The following ADH4 variants were observed in gnomAD, a reference collection of about 807,000 sequenced individuals.
ADH4 encodes all-trans-retinol dehydrogenase [NAD(+)] ADH4.
A neutral mutation model predicts 35.2 loss-of-function variants in ADH4; 31 were observed. The ratio of observed to expected loss-of-function variants is 0.88; its 90% CI spans 0.66 to 1.19. The LOEUF (loss-of-function observed/expected upper bound fraction) is 1.19. Ranked by LOEUF, ADH4 falls within the 50% of genes most tolerant of loss-of-function variation. ADH4 has a pLI of 0.00. For synonymous variants in ADH4, 171 were observed against 160.2 expected (o/e 1.07, Z -0.51); for missense variants, 476 against 458.3 (o/e 1.04, Z -0.35).
At position 99,142,666 on chromosome 4, in the gene ADH4, A is replaced by G; in HGVS notation, c.120+13T>C. ...GCCCTGTCTGTTCCCACCCAAGGAA[A>G]GTCTCCACTTACCTGAATGCGAACT... On this transcript the variant is annotated intron_variant, in intron 2 of 8. Transcript: ENST00000265512. The G allele has an allele frequency of 4.6e-6, 7 of 1,527,516 alleles. No homozygotes were observed. Among genetic ancestry groups the G allele is most frequent in the Non-Finnish European group, 6.1e-6 (7 of 1,139,494 alleles). The allele number at this position is 1,527,516 out of a possible 1,614,324, so 94.6% of individuals were successfully genotyped here.
intron 1 of ADH4, 132 bp downstream of exon 1, chr4:99,144,073 A>G (rs1378337073): frequency 1.1e-6 from 1 of 949,352 alleles, no homozygotes; most frequent in Non-Finnish European, 1.6e-6. Context: ...TTCCTGGCAT[A>G]GGGGTCACTC....
chr4:99,124,536 T>C (rs1303980331), intron 8 of ADH4, 70 bp from the exon 9 acceptor site: 2 of 1,044,984 alleles, frequency 1.9e-6, no homozygotes, highest in East Asian at 2.8e-5. Context: ...CACAAATAAG[T>C]TTTGCCTTTT....
rs999394324 is a variant in ADH4 at position 99,144,186 on chromosome 4, A to G, written c.18+19T>C. 4.3e-6 allele frequency: 7 copies of G among 1,613,382 alleles called. No individual in the cohort carries two copies. Among genetic ancestry groups the G allele is most frequent in the African/African-American group, 2.7e-5 (2 of 74,922 alleles). On this transcript the variant is annotated intron_variant, in intron 1 of 8. Coordinates refer to ENST00000265512, the MANE Select transcript of ADH4 (RefSeq NM_000670.5). ...ACAGAAAAGCACAAACTGAACAAAG[A>G]TACAGCTTACTTGCTTACTTTGCCC...
chr4:99,131,766 T>A lies in ADH4; in HGVS notation c.583-2A>T. On this transcript the variant is annotated splice_acceptor_variant, in intron 5 of 8. Coordinates refer to ENST00000265512, the MANE Select transcript of ADH4 (RefSeq NM_000670.5). LOFTEE classifies it high-confidence loss of function. The stretch of plus-strand genomic sequence containing the variant: ...AGCACAAGTCGAACCAGGGGTGACC[T>A]GCAAGCAGGAAAATTATAAAGTAAC... 6.2e-7 allele frequency: 1 copy of A among 1,607,718 alleles called. No individual in the cohort carries two copies. The highest frequency in any genetic ancestry group is 1.1e-5 in the South Asian group (1 of 89,924).
intron 3 of ADH4, among the ~76,000 whole-genome samples, chr4:99,140,232 A>T (rs534514888): frequency 6.6e-6 from 1 of 152,220 alleles, no homozygotes; most frequent in Non-Finnish European, 1.5e-5. Context: ...TAATATTAAA[A>T]TAGTTTGCTT....
chr4:99,140,967 G>A (rs545826122), intron 3 of ADH4, among the ~76,000 whole-genome samples: 1 of 152,150 alleles, frequency 6.6e-6, no homozygotes, highest in East Asian at 1.9e-4. Context: ...GAAGTTTGGT[G>A]TACAGATAAT....
intron 4 of ADH4, among the ~76,000 whole-genome samples, chr4:99,137,739 G>A (rs1465162548): frequency 6.6e-6 from 1 of 152,116 alleles, no homozygotes; most frequent in African/African-American, 2.4e-5. Flanking sequence ...TCAATTCATG[G>A]CCAGTCAGGT....
In ADH4 at chr4:99,126,714, G is replaced by A; in HGVS notation, c.998C>T (p.Ser333Phe). 1 of 1,603,898 alleles carries A rather than the reference G, an allele frequency of 6.2e-7. No homozygotes were observed. Among genetic ancestry groups the A allele is most frequent in the African/African-American group, 1.3e-5 (1 of 74,840 alleles). Reference sequence around the variant, plus strand: ...ATAGTCAGTGACCAGCTTTGGGATAGAATCTACACTTTTCCAACCTGTAAT... The same window carrying A: ...ATAGTCAGTGACCAGCTTTGGGATAAAATCTACACTTTTCCAACCTGTAAT... The part of the protein sequence containing the change: ...TFFGGWKSVD[S>F]IPKLVTDYKN... The change falls in exon 8 of 9, where the codon TCT becomes TTT. Residue 333 changes from serine to phenylalanine, a missense_variant. Physicochemically the swap from Ser to Phe is radical, Grantham distance 155. Coordinates refer to ENST00000265512, the MANE Select transcript of ADH4 (RefSeq NM_000670.5).
intron 6 of ADH4, among the ~76,000 whole-genome samples, chr4:99,127,721 C>T (rs1005706620): frequency 2.6e-5 from 4 of 151,494 alleles, no homozygotes; most frequent in Non-Finnish European, 4.4e-5. Context: ...CCCAGCTACT[C>T]GGGAAGCTGA....
At position 99,127,216 on chromosome 4, in the gene ADH4, G is replaced by C; in HGVS notation, c.972C>G (p.Phe324Leu). 7 of 1,597,486 alleles carry C rather than the reference G, an allele frequency of 4.4e-6. No individual in the cohort carries two copies. Among genetic ancestry groups the C allele is most frequent in the Non-Finnish European group, 5.1e-6 (6 of 1,173,942 alleles). Residue 324 changes from phenylalanine to leucine, a missense_variant, in exon 7 of 9, where the codon TTC becomes TTG. Coordinates refer to ENST00000265512, the MANE Select transcript of ADH4 (RefSeq NM_000670.5). The stretch of plus-strand genomic sequence containing the variant: ...AAGAAAAAAAAAACTGACCACCAAA[G>C]AATGTTCCATTTATAGTACGGCCGA... ...LIIGRTINGT[F>L]FGGWKSVDSI... is the part of the protein sequence containing the mutation.
chr4:99,144,156 A>C (rs754186731), intron 1 of ADH4, 49 bp downstream of exon 1: 2 of 1,606,602 alleles, frequency 1.2e-6, no homozygotes, highest in South Asian at 2.2e-5. Context: ...CAAACATACA[A>C]GGACACAGAA....
Position 99,139,164 on chromosome 4 carries a change from AT to A in ADH4, c.263-17del, listed in dbSNP as rs758931577. ...ACTTTGTCACCTAGAAAGAAAGGCC[AT>A]ATGTTGGATGGTGCCTAAGGTGTTA... On this transcript the variant is annotated splice_polypyrimidine_tract_variant and intron_variant, in intron 3 of 8. Coordinates refer to ENST00000265512, the MANE Select transcript of ADH4 (RefSeq NM_000670.5). The A allele has an allele frequency of 9.5e-6, 15 of 1,575,942 alleles. No individual in the cohort carries two copies. Among genetic ancestry groups the A allele is most frequent in the African/African-American group, 1.3e-5 (1 of 74,236 alleles).
rs762537324 is a variant in ADH4, at chr4:99,131,775, G to A, written c.583-11C>T. On this transcript the variant is annotated splice_polypyrimidine_tract_variant and intron_variant, in intron 5 of 8. Coordinates refer to ENST00000265512, the MANE Select transcript of ADH4 (RefSeq NM_000670.5). ...CGAACCAGGGGTGACCTGCAAGCAG[G>A]AAAATTATAAAGTAACTTCTAAAGC... is the stretch of plus-strand genomic sequence containing the variant. 3.3e-5 allele frequency: 53 copies of A among 1,606,664 alleles called. No individual in the cohort carries two copies. The East Asian group carries it at 8.2e-4, about 25-fold the overall frequency.
intron 5 of ADH4, among the ~76,000 whole-genome samples, chr4:99,132,261 C>G (rs1439611996): frequency 6.6e-6 from 1 of 152,194 alleles, no homozygotes; most frequent in Non-Finnish European, 1.5e-5. Context: ...TACCTTCCAG[C>G]TTCATCCCCA....
intron 6 of ADH4, 152 bp from the exon 7 acceptor site, chr4:99,127,496 AT>A (rs1260790020): frequency 1.7e-6 from 1 of 575,768 alleles, no homozygotes; most frequent in Non-Finnish European, 2.9e-6. Context: ...ATCATTGTAG[AT>A]TGAGCCTTGA....
intron 2 of ADH4, among the ~76,000 whole-genome samples, chr4:99,141,931 T>C (rs1729637761): frequency 6.6e-6 from 1 of 152,202 alleles, no homozygotes; most frequent in African/African-American, 2.4e-5. Context: ...GATTGGCAAT[T>C]ATTGCCTCCA....
At chr4:99,125,394 C>T (rs1729055327) in intron 8 of ADH4, among the ~76,000 whole-genome samples, 1 of 152,288 alleles carries the variant, frequency 6.6e-6, no homozygotes, top group Middle Eastern at 3.4e-3. Flanking sequence ...GAGACTTGCC[C>T]ATAAAGCAAT....
chr4:99,138,017 C>T (rs1266728468), intron 4 of ADH4, among the ~76,000 whole-genome samples: 1 of 152,134 alleles, frequency 6.6e-6, no homozygotes, highest in East Asian at 1.9e-4. Context: ...CATAACATTC[C>T]TGTAATCTGG....
intron 8 of ADH4, 26 bp downstream of exon 8, chr4:99,126,568 C>A: frequency 6.5e-7 from 1 of 1,542,798 alleles, no homozygotes; most frequent in Non-Finnish European, 8.8e-7. Flanking sequence ...TTTTTTAAAT[C>A]ATTCAGTCAT....
Sources: gnomAD v4.1 joint callset for allele counts (sites outside exome capture counted in the v4.1 genomes callset) on GRCh38, gnomAD v4.1.1 for gene constraint, MANE v1.5 for transcripts, NCBI Gene and HGNC (gene_info 2026-07-23, HGNC 2026-07-21) for gene names.